SGCD: variants seen among roughly 807,000 people sequenced by gnomAD.
SGCD encodes sarcoglycan delta, also known as delta-sarcoglycan.
SGCD carries 18 observed loss-of-function variants against 36.6 expected under a neutral mutation model. That is an observed-to-expected ratio of 0.49 (90% CI 0.34 to 0.73). SGCD has a LOEUF of 0.73. Ranked by LOEUF, SGCD falls within the 30% of genes least tolerant of loss-of-function variation. The probability of loss-of-function intolerance (pLI) is 0.01; values close to 1 mark genes in which losing one functional copy is unlikely to be tolerated. For synonymous variants in SGCD, 133 were observed against 130.6 expected, an observed-to-expected ratio of 1.02 and a Z score of -0.12; for missense variants, 387 against 346.7, an observed-to-expected ratio of 1.12 and a Z score of -0.92.
chr5:156,042,783 G>C (rs1759669294), intron 1 of SGCD, among the ~76,000 whole-genome samples: 1 of 152,180 alleles, frequency 6.6e-6, no homozygotes, highest in Non-Finnish European at 1.5e-5. Context: ...CTTAGGTTCT[G>C]TAAATGTTAT....
chr5:155,850,175 T>G, the SGCD span, among the ~76,000 whole-genome samples: 1 of 152,194 alleles, frequency 6.6e-6, no homozygotes, highest in Non-Finnish European at 1.5e-5. Context: ...TTTTATTTGC[T>G]TTTTTCTGTA....
chr5:156,499,556 T>G (rs1756358548), intron 3 of SGCD, among the ~76,000 whole-genome samples: 1 of 152,078 alleles, frequency 6.6e-6, no homozygotes, highest in East Asian at 1.9e-4. Flanking sequence ...AGACATCTAA[T>G]CATAACCAAA....
the SGCD span, among the ~76,000 whole-genome samples, chr5:155,767,125 C>T: frequency 6.6e-6 from 1 of 152,206 alleles, no homozygotes; most frequent in Admixed American, 6.5e-5. Context: ...AATGATCTTT[C>T]ACCACATACA....
chr5:156,258,064 TA>T (rs1355197465), intron 3 of SGCD, among the ~76,000 whole-genome samples: 1 of 152,226 alleles, frequency 6.6e-6, no homozygotes, highest in East Asian at 1.9e-4. Context: ...TATTCAGTCT[TA>T]CATATTTGTC....
chr5:155,873,026 G>A (rs1386150988), intron 1 of SGCD, among the ~76,000 whole-genome samples: 3 of 152,148 alleles, frequency 2.0e-5, no homozygotes, highest in African/African-American at 7.2e-5. Context: ...CTTCATCAGA[G>A]CCTTGTCATT....
In SGCD at chr5:156,622,931, CCTT is replaced by C. The variant is rs564206113; in HGVS notation, c.503-24529_503-24527del. 1.9e-3 allele frequency among the ~76,000 whole-genome samples: 290 copies of C among 152,170 alleles called. 2 individuals carry two copies. Among genetic ancestry groups the C allele is most frequent in the African/African-American group, 6.5e-3 (271 of 41,516 alleles). ...GAATGACGGGAGCAAGTCAGAGAGT[CCTT>C]CTTGCTTCTGCTGTTTTCTCAAATG... is the stretch of plus-strand genomic sequence containing the variant. On this transcript the variant is annotated intron_variant, in intron 6 of 8. Coordinates refer to ENST00000337851, the MANE Select transcript of SGCD (RefSeq NM_000337.6).
chr5:156,158,379 C>T (rs144798781), intron 3 of SGCD, among the ~76,000 whole-genome samples: 4 of 151,504 alleles, frequency 2.6e-5, no homozygotes, highest in South Asian at 2.1e-4. Flanking sequence ...TCCATTTTAC[C>T]GGTTAAGAAA....
At chr5:156,334,323 G>A (rs1165286623) in intron 2 of SGCD, among the ~76,000 whole-genome samples, 1 of 152,198 alleles carries the variant, frequency 6.6e-6, no homozygotes, top group Non-Finnish European at 1.5e-5. Flanking sequence ...TGATGGGGTA[G>A]ATACAGCATC....
chr5:155,757,394 A>G, the SGCD span, among the ~76,000 whole-genome samples: 1 of 152,224 alleles, frequency 6.6e-6, no homozygotes, highest in African/African-American at 2.4e-5. Flanking sequence ...CAACAGGTAC[A>G]GGCTAAATGT....
At chr5:156,654,645 T>C (rs925574492) in intron 7 of SGCD, among the ~76,000 whole-genome samples, 1 of 152,166 alleles carries the variant, frequency 6.6e-6, no homozygotes, top group African/African-American at 2.4e-5. Context: ...TGAGTCCTAA[T>C]ATCCCTATGT....
At chr5:156,440,751 T>C (rs1056667572) in intron 3 of SGCD, among the ~76,000 whole-genome samples, 3 of 152,190 alleles carry the variant, frequency 2.0e-5, no homozygotes, top group African/African-American at 7.2e-5. Flanking sequence ...GGCCATGTGA[T>C]ATACCTCCTT....
intron 4 of SGCD, among the ~76,000 whole-genome samples, chr5:156,533,838 C>T (rs1403813757): frequency 6.6e-6 from 1 of 152,162 alleles, no homozygotes; most frequent in Non-Finnish European, 1.5e-5. Context: ...AGTGCAAGAA[C>T]CCATAATGAT....
chr5:156,058,988 T>C (rs373687536), intron 1 of SGCD, among the ~76,000 whole-genome samples: 1 of 146,268 alleles, frequency 6.8e-6, no homozygotes, highest in Non-Finnish European at 1.5e-5. Flanking sequence ...ATATTGCTTA[T>C]GCCTAGAAAA....
At chr5:156,255,353 T>C (rs1216452067) in intron 3 of SGCD, among the ~76,000 whole-genome samples, 1 of 152,234 alleles carries the variant, frequency 6.6e-6, no homozygotes, top group African/African-American at 2.4e-5. Context: ...AATTTAAAAA[T>C]TTATATTCCT....
intron 3 of SGCD, among the ~76,000 whole-genome samples, chr5:156,382,405 C>T (rs771556379): frequency 1.5e-4 from 23 of 152,254 alleles, no homozygotes; most frequent in Non-Finnish European, 3.1e-4. Flanking sequence ...CAAGCATAAG[C>T]GCCCAGAAAA....
At chr5:155,945,157 A>G (rs546613111) in intron 1 of SGCD, among the ~76,000 whole-genome samples, 1 of 152,318 alleles carries the variant, frequency 6.6e-6, no homozygotes, top group Non-Finnish European at 1.5e-5. Context: ...AGAACCAATG[A>G]GGTCTGTGTT....
At chr5:156,049,301 G>A (rs545245028) in intron 1 of SGCD, among the ~76,000 whole-genome samples, 4 of 145,830 alleles carry the variant, frequency 2.7e-5, no homozygotes, top group South Asian at 2.2e-4. Flanking sequence ...TTGACTTGGT[G>A]ATGCGGGCTC....
chr5:156,754,800 C>T (rs1757277018), intron 7 of SGCD, among the ~76,000 whole-genome samples: 2 of 152,188 alleles, frequency 1.3e-5, no homozygotes, highest in Non-Finnish European at 2.9e-5. Context: ...CACCTAGTAA[C>T]AAACCCCCCA....
At chr5:156,639,537 T>C (rs1164361905) in intron 6 of SGCD, among the ~76,000 whole-genome samples, 1 of 152,176 alleles carries the variant, frequency 6.6e-6, no homozygotes, top group East Asian at 1.9e-4. Context: ...GTACCCAATA[T>C]CCAATACCCA....
Sources: allele counts gnomAD v4.1 joint callset (sites outside exome capture counted in the v4.1 genomes callset), GRCh38; gene constraint gnomAD v4.1.1; transcripts MANE v1.5; gene names NCBI Gene and HGNC (gene_info 2026-07-23, HGNC 2026-07-21).